The following MAP3K9 variants were observed in gnomAD, a reference collection of about 807,000 sequenced individuals.
MAP3K9 encodes the protein mixed lineage kinase 1 (tyr and ser/thr specificity).
MAP3K9 carries 46 observed loss-of-function variants against 95.8 expected under a neutral mutation model. The ratio of observed to expected loss-of-function variants is 0.48; its 90% CI spans 0.38 to 0.61. The LOEUF is 0.61. Among genes scored for constraint, MAP3K9 ranks in the 20% least tolerant of loss-of-function variants. MAP3K9 has a pLI of 0.00. For synonymous variants in MAP3K9, 533 were observed against 593.8 expected (o/e 0.90, Z 1.49); for missense variants, 1,296 against 1,474.3 (o/e 0.88, Z 1.98).
At chr14:70,755,252 T>G (rs1386138600) in intron 3 of MAP3K9, among the ~76,000 whole-genome samples, 1 of 152,172 alleles carries the variant, frequency 6.6e-6, no homozygotes, top group Non-Finnish European at 1.5e-5. Flanking sequence ...ACCAAGTTCC[T>G]AGGCATGCCC....
At chr14:70,805,535 T>G (rs2054980649) in intron 1 of MAP3K9, among the ~76,000 whole-genome samples, 1 of 152,268 alleles carries the variant, frequency 6.6e-6, no homozygotes, top group Non-Finnish European at 1.5e-5. Context: ...TGGAGAGGAT[T>G]AAAGCATTAT....
At chr14:70,785,516 T>C (rs1407497849) in intron 2 of MAP3K9, among the ~76,000 whole-genome samples, 3 of 152,198 alleles carry the variant, frequency 2.0e-5, no homozygotes, top group Non-Finnish European at 2.9e-5. Context: ...TGTTGTACTG[T>C]ATTCGCCCTT....
At chr14:70,732,313 C>G (rs1364450563) in intron 11 of MAP3K9, among the ~76,000 whole-genome samples, 1 of 152,100 alleles carries the variant, frequency 6.6e-6, no homozygotes, top group East Asian at 1.9e-4. Flanking sequence ...CTAGAACCTG[C>G]CTGTCTTCTT....
intron 1 of MAP3K9, among the ~76,000 whole-genome samples, chr14:70,802,454 GATA>G (rs1194161049): frequency 6.6e-6 from 1 of 152,214 alleles, no homozygotes; most frequent in African/African-American, 2.4e-5. Flanking sequence ...TTCATGGGTA[GATA>G]ATAATAGCTG....
intron 11 of MAP3K9, 32 bp from the exon 12 acceptor site, chr14:70,730,896 A>C: frequency 6.4e-7 from 1 of 1,572,012 alleles, no homozygotes; most frequent in Non-Finnish European, 8.6e-7. Flanking sequence ...GAAGCATCAG[A>C]TGAGGCACCA....
Position 70,808,905 on chromosome 14 carries a change from G to T in MAP3K9, c.267C>A (p.Ser89=). ...GCCCGGTCCACCAGCCCTCGTCGCC[G>T]GACACCTGCGAGTCCTTGGACAGCA... ...VEVLSKDSQV[S]GDEGWWTGQL... Residue 89 remains serine, a synonymous_variant, in exon 1 of 12, where the codon TCC becomes TCA. Transcript: ENST00000554752. 2 of 1,595,136 alleles carry T rather than the reference G, an allele frequency of 1.3e-6. No individual in the cohort carries two copies. Among genetic ancestry groups the T allele is most frequent in the Non-Finnish European group, 1.7e-6 (2 of 1,174,622 alleles).
chr14:70,795,154 C>T (rs773089285), intron 2 of MAP3K9, among the ~76,000 whole-genome samples: 1 of 151,504 alleles, frequency 6.6e-6, no homozygotes, highest in Non-Finnish European at 1.5e-5. Flanking sequence ...CCACCACGTT[C>T]GGCTATTTTT....
chr14:70,783,285 C>G, intron 2 of MAP3K9: 1 of 956,956 alleles, frequency 1.0e-6, no homozygotes, highest in South Asian at 4.8e-5. Context: ...AAGACGGCAT[C>G]CTAAAGTAAA....
intron 2 of MAP3K9, among the ~76,000 whole-genome samples, chr14:70,795,242 C>T (rs2054851738): frequency 6.6e-6 from 1 of 151,362 alleles, no homozygotes; most frequent in Non-Finnish European, 1.5e-5. Context: ...GTGATCTGCC[C>T]ACCTCAGCCT....
rs775512145 is a variant in MAP3K9 at position 70,808,748 on chromosome 14, GC to G, written c.406+17del. ...CTCCGTCATTCCCCCTCCCCGCCCG[GC>G]CCCGCCTTCGCCTTACACTGAATGG... On this transcript the variant is annotated intron_variant, in intron 1 of 11. Coordinates refer to ENST00000554752, the MANE Select transcript of MAP3K9 (RefSeq NM_001284230.2). The G allele has an allele frequency of 8.0e-5, 115 of 1,440,960 alleles. No homozygotes were observed. Among genetic ancestry groups the G allele is most frequent in the Non-Finnish European group, 1.0e-4 (112 of 1,088,790 alleles). 89.3% of individuals were successfully genotyped at this position (1,440,960 alleles called of 1,614,324 possible).
At chr14:70,785,590 A>G (rs1461761972) in intron 2 of MAP3K9, among the ~76,000 whole-genome samples, 1 of 152,202 alleles carries the variant, frequency 6.6e-6, no homozygotes, top group Admixed American at 6.5e-5. Context: ...TAGATGACAT[A>G]GGCGAGGTGA....
At chr14:70,745,202 C>T (rs1375921951) in intron 5 of MAP3K9, among the ~76,000 whole-genome samples, 2 of 151,946 alleles carry the variant, frequency 1.3e-5, no homozygotes, top group African/African-American at 4.8e-5. Context: ...CTTCTGTGGT[C>T]GAAACCTAAC....
intron 3 of MAP3K9, among the ~76,000 whole-genome samples, chr14:70,750,553 C>T (rs761786646): frequency 6.6e-6 from 1 of 152,058 alleles, no homozygotes; most frequent in African/African-American, 2.4e-5. Context: ...GGCGTGATCT[C>T]GGCTCACTGC....
At chr14:70,784,646 T>C (rs1386605854) in intron 2 of MAP3K9, among the ~76,000 whole-genome samples, 1 of 151,838 alleles carries the variant, frequency 6.6e-6, no homozygotes, top group African/African-American at 2.4e-5. Flanking sequence ...AGGAGGCTGA[T>C]GCAGGAGAAC....
chr14:70,789,407 G>A (rs1461107537), intron 2 of MAP3K9, among the ~76,000 whole-genome samples: 1 of 152,062 alleles, frequency 6.6e-6, no homozygotes, highest in African/African-American at 2.4e-5. Flanking sequence ...AAAATAACAA[G>A]GAATGGAAAG....
chr14:70,782,340 A>G (rs2054689762), intron 2 of MAP3K9, among the ~76,000 whole-genome samples: 1 of 152,204 alleles, frequency 6.6e-6, no homozygotes, highest in Admixed American at 6.5e-5. Flanking sequence ...AATTACCCAC[A>G]TCGGTTGAGA....
At chr14:70,758,432 T>C (rs993747195) in intron 3 of MAP3K9, among the ~76,000 whole-genome samples, 1 of 152,228 alleles carries the variant, frequency 6.6e-6, no homozygotes, top group African/African-American at 2.4e-5. Flanking sequence ...ATTGGAACAT[T>C]CATACATTGC....
In MAP3K9 at chr14:70,733,098, C is replaced by G; in HGVS notation, c.2271G>C (p.Gly757=). 6.2e-7 allele frequency: 1 copy of G among 1,614,128 alleles called. No individual in the cohort carries two copies. The highest frequency in any genetic ancestry group is 8.5e-7 in the Non-Finnish European group (1 of 1,180,030). The change falls in exon 11 of 12, where the codon GGG becomes GGC. Residue 757 remains glycine, a synonymous_variant. Transcript: ENST00000554752. The part of the protein sequence containing the change: ...RRCEVALLGC[G]AVLAATGLGF... ...CTAGGCCTGTGGCTGCCAGAACAGC[C>G]CCACAGCCGAGCAGAGCCACCTCGC...
intron 2 of MAP3K9, among the ~76,000 whole-genome samples, chr14:70,780,344 G>A (rs1263733607): frequency 6.6e-6 from 1 of 152,118 alleles, no homozygotes; most frequent in African/African-American, 2.4e-5. Flanking sequence ...CAATTCATCA[G>A]CCTTGAAAAA....
Sources: allele counts gnomAD v4.1 joint callset (sites outside exome capture counted in the v4.1 genomes callset), GRCh38; gene constraint gnomAD v4.1.1; transcripts MANE v1.5; gene names NCBI Gene and HGNC (gene_info 2026-07-23, HGNC 2026-07-21).